Variants in ITPR2 observed in about 807,000 individuals in gnomAD.
ITPR2 encodes inositol 1,4,5-trisphosphate receptor type 2, also known as inositol 1,4,5-trisphosphate-gated calcium channel ITPR2.
ITPR2 carries 207 observed loss-of-function variants against 317.1 expected under a neutral mutation model. The ratio of observed to expected loss-of-function variants is 0.65; its 90% confidence interval spans 0.58 to 0.73. ITPR2 has a LOEUF of 0.73. ITPR2 is among the 30% of genes least tolerant of loss of function. The pLI is 0.00. For synonymous variants in ITPR2, 1,156 were observed against 1,149.1 expected, an observed-to-expected ratio of 1.01 and a Z score of -0.12; for missense variants, 2,613 against 3,284.0, an observed-to-expected ratio of 0.80 and a Z score of 4.99.
At chr12:26,826,650 T>C (rs1378181098) in intron 1 of ITPR2, among the ~76,000 whole-genome samples, 2 of 152,228 alleles carry the variant, frequency 1.3e-5, no homozygotes, top group African/African-American at 2.4e-5. Context: ...AGTCACCTGA[T>C]AGTTACTGAG....
chr12:26,756,914 G>C (rs1162292798), intron 2 of ITPR2, among the ~76,000 whole-genome samples: 1 of 152,196 alleles, frequency 6.6e-6, no homozygotes, highest in Non-Finnish European at 1.5e-5. Flanking sequence ...GAGATAGGAG[G>C]TCAGCAGAAG....
intron 55 of ITPR2, 52 bp from the exon 56 acceptor site, chr12:26,340,380 A>C: frequency 2.6e-6 from 4 of 1,517,332 alleles, no homozygotes; most frequent in Non-Finnish European, 3.6e-6. Context: ...GAAGGGGAGA[A>C]TGTCTATAGC....
At chr12:26,809,241 T>G (rs1321072384) in intron 1 of ITPR2, among the ~76,000 whole-genome samples, 1 of 152,216 alleles carries the variant, frequency 6.6e-6, no homozygotes, top group Non-Finnish European at 1.5e-5. Flanking sequence ...GCTAATTTCA[T>G]TATAATTATT....
At chr12:26,417,143 A>T (rs1940744672) in intron 50 of ITPR2, among the ~76,000 whole-genome samples, 1 of 152,184 alleles carries the variant, frequency 6.6e-6, no homozygotes, top group Admixed American at 6.5e-5. Context: ...AAAATCTTTT[A>T]AAAATATACT....
chr12:26,430,637 C>T (rs1941181094), intron 48 of ITPR2, among the ~76,000 whole-genome samples: 1 of 152,170 alleles, frequency 6.6e-6, no homozygotes, highest in Admixed American at 6.5e-5. Context: ...CTCCTTAATA[C>T]TTTATATATG....
At chr12:26,444,302 T>C (rs1941557214) in intron 45 of ITPR2, among the ~76,000 whole-genome samples, 1 of 152,152 alleles carries the variant, frequency 6.6e-6, no homozygotes, top group East Asian at 1.9e-4. Flanking sequence ...TTCTCTCACT[T>C]TGTAGATTAG....
chr12:26,491,818 G>C (rs1019693672), intron 39 of ITPR2, among the ~76,000 whole-genome samples: 3 of 152,160 alleles, frequency 2.0e-5, no homozygotes, highest in Admixed American at 2.0e-4. Context: ...ACTGAGAGAG[G>C]CAATGGCAAA....
rs201635418 is a variant in ITPR2, at chr12:26,481,232, C to T, written c.6022G>A (p.Ala2008Thr). 1.9e-4 allele frequency: 295 copies of T among 1,594,564 alleles called. No individual in the cohort carries two copies. Among genetic ancestry groups the T allele is most frequent in the Non-Finnish European group, 2.3e-4 (272 of 1,163,200 alleles). ...GPCHENQTCI[A>T]THESNGIDII... is the part of the protein sequence containing the mutation. ...TCAATCCCATTAGACTCATGTGTAG[C>T]GATACAGGTCTAGAAAACAAAATAT... The change falls in exon 43 of 57, where the codon GCT becomes ACT. Residue 2008 changes from alanine to threonine, a missense_variant. Coordinates refer to ENST00000381340, the MANE Select transcript of ITPR2 (RefSeq NM_002223.4).
intron 26 of ITPR2, among the ~76,000 whole-genome samples, chr12:26,610,352 C>T (rs1362826170): frequency 6.6e-6 from 1 of 152,170 alleles, no homozygotes; most frequent in Non-Finnish European, 1.5e-5. Flanking sequence ...CAGGGATTTG[C>T]AACTTTGCTT....
intron 37 of ITPR2, among the ~76,000 whole-genome samples, chr12:26,531,566 T>C (rs1346563521): frequency 6.6e-6 from 1 of 152,178 alleles, no homozygotes; most frequent in East Asian, 1.9e-4. Context: ...ACTTCCAGAA[T>C]AATGTATCTC....
chr12:26,494,935 T>A (rs565198034), intron 38 of ITPR2, among the ~76,000 whole-genome samples: 5 of 152,322 alleles, frequency 3.3e-5, no homozygotes, highest in African/African-American at 1.2e-4. Context: ...TAAGAGATTA[T>A]AACTTAGTTT....
At chr12:26,416,558 A>G (rs2136680706) in intron 50 of ITPR2, among the ~76,000 whole-genome samples, 1 of 152,232 alleles carries the variant, frequency 6.6e-6, no homozygotes, top group East Asian at 1.9e-4. Context: ...TTATACAGTT[A>G]CTGTCCAATT....
chr12:26,706,154 G>A (rs183709464), intron 9 of ITPR2, among the ~76,000 whole-genome samples: 26 of 152,220 alleles, frequency 1.7e-4, no homozygotes, highest in Middle Eastern at 3.4e-3. Flanking sequence ...CGTGTGGCGT[G>A]GCTGTTGAGC....
intron 15 of ITPR2, among the ~76,000 whole-genome samples, chr12:26,662,506 A>G (rs1947525094): frequency 6.6e-6 from 1 of 152,054 alleles, no homozygotes; most frequent in East Asian, 1.9e-4. Flanking sequence ...GCCCTCTCCC[A>G]CACCATCCTT....
In ITPR2 at chr12:26,650,371, C is replaced by T. The variant is rs961033618; in HGVS notation, c.2740+3605G>A. ...CTGTACGATACTATAATGTTAGATA[C>T]GTGTCATTATACATTTGTCCAAATA... On this transcript the variant is annotated intron_variant, in intron 21 of 56. Coordinates refer to ENST00000381340, the MANE Select transcript of ITPR2 (RefSeq NM_002223.4). Among the ~76,000 whole-genome samples the T allele has an allele frequency of 5.9e-5, 9 of 152,232 alleles. No individual in the cohort carries two copies. In the South Asian group the frequency reaches 8.3e-4, roughly 14 times the overall value.
At chr12:26,627,562 T>A (rs756785799) in intron 23 of ITPR2, among the ~76,000 whole-genome samples, 1 of 152,032 alleles carries the variant, frequency 6.6e-6, no homozygotes, top group Non-Finnish European at 1.5e-5. Context: ...TCTAGGAGAG[T>A]TATTTCACAA....
intron 11 of ITPR2, among the ~76,000 whole-genome samples, chr12:26,682,888 T>C (rs1948061971): frequency 6.6e-6 from 1 of 152,230 alleles, no homozygotes; most frequent in Admixed American, 6.5e-5. Context: ...GTGTGGTCCC[T>C]AGACCAGTGG....
At chr12:26,415,271 A>C in intron 51 of ITPR2, 32 bp downstream of exon 51, 2 of 1,456,594 alleles carry the variant, frequency 1.4e-6, no homozygotes, top group Non-Finnish European at 9.4e-7. Context: ...ATCTGCCATC[A>C]GAGAAACCTC....
chr12:26,763,609 G>C (rs1235633266), intron 2 of ITPR2, among the ~76,000 whole-genome samples: 1 of 152,070 alleles, frequency 6.6e-6, no homozygotes, highest in Non-Finnish European at 1.5e-5. Flanking sequence ...AGGCACTTGT[G>C]TAATTTTTAT....
Sources: gnomAD v4.1 joint callset for allele counts (sites outside exome capture counted in the v4.1 genomes callset) on GRCh38, gnomAD v4.1.1 for gene constraint, MANE v1.5 for transcripts, NCBI Gene and HGNC (gene_info 2026-07-23, HGNC 2026-07-21) for gene names.